Variants in ERAP1 observed in about 807,000 individuals in gnomAD.
ERAP1 encodes the protein adipocyte-derived leucine aminopeptidase.
ERAP1 carries 86 observed loss-of-function variants against 103.7 expected under a neutral mutation model. The observed-to-expected ratio is 0.83, with a 90% confidence interval of 0.70 to 0.99. The LOEUF is 0.99. ERAP1 is among the 50% of genes least tolerant of loss of function. The pLI is 0.00. For missense variants in ERAP1, 1,009 were observed against 1,128.4 expected, an observed-to-expected ratio of 0.89 and a Z score of 1.52; for synonymous variants, 398 against 402.4, an observed-to-expected ratio of 0.99 and a Z score of 0.13.
At chr5:96,866,895 A>C in the ERAP1 span, among the ~76,000 whole-genome samples, 3 of 152,334 alleles carry the variant, frequency 2.0e-5, no homozygotes, top group Non-Finnish European at 2.9e-5. Context: ...CACAGGACCA[A>C]GCAACCAGCT....
chr5:96,838,384 C>A, the ERAP1 span, among the ~76,000 whole-genome samples: 8 of 152,180 alleles, frequency 5.3e-5, no homozygotes, highest in Admixed American at 2.6e-4. Flanking sequence ...AGTCCAAAGT[C>A]TACATTGGAA....
At chr5:96,903,663 G>A in the ERAP1 span, 2 of 1,069,056 alleles carry the variant, frequency 1.9e-6, no homozygotes, top group East Asian at 5.1e-5. Flanking sequence ...GATTTAATAT[G>A]GATTTGAATG....
At chr5:96,826,700 A>G in the ERAP1 span, among the ~76,000 whole-genome samples, 1 of 152,156 alleles carries the variant, frequency 6.6e-6, no homozygotes, top group Non-Finnish European at 1.5e-5. Flanking sequence ...TAGCTGATTC[A>G]TATACTCCTA....
chr5:96,771,463 G>C, downstream of ERAP1, among the ~76,000 whole-genome samples: 1 of 152,064 alleles, frequency 6.6e-6, no homozygotes, highest in Middle Eastern at 3.2e-3. Flanking sequence ...GTTATTTTTA[G>C]CTTATAAGCT....
downstream of ERAP1, chr5:96,773,724 C>A (rs1370040052): frequency 6.6e-6 from 1 of 152,268 alleles, no homozygotes; most frequent in Non-Finnish European, 1.5e-5. Flanking sequence ...GAACATTGCA[C>A]TGATATCATC....
chr5:96,798,343 A>AT (rs1387701917), intron 3 of ERAP1, among the ~76,000 whole-genome samples: 1 of 151,192 alleles, frequency 6.6e-6, no homozygotes, highest in African/African-American at 2.4e-5. Context: ...AAAAAAAAAA[A>AT]GATTTGCTTC....
the ERAP1 span, among the ~76,000 whole-genome samples, chr5:96,831,555 C>A: frequency 6.6e-6 from 1 of 152,298 alleles, no homozygotes; most frequent in African/African-American, 2.4e-5. Flanking sequence ...ATAAGGCCAA[C>A]CTGCAGTTTG....
chr5:96,877,011 G>C, the ERAP1 span, among the ~76,000 whole-genome samples: 1 of 152,140 alleles, frequency 6.6e-6, no homozygotes, highest in Non-Finnish European at 1.5e-5. Flanking sequence ...GCCTCGCTCT[G>C]TCGCCCAGGC....
chr5:96,834,953 T>C, the ERAP1 span, among the ~76,000 whole-genome samples: 2 of 152,316 alleles, frequency 1.3e-5, no homozygotes, highest in East Asian at 3.9e-4. Flanking sequence ...TAAATTTACA[T>C]TTTAAAGAAA....
chr5:96,794,085 G>A lies in ERAP1; in HGVS notation c.920-128C>T, dbSNP rs1777042800. 3.9e-5 allele frequency: 31 copies of A among 802,174 alleles called. No homozygotes were observed. The South Asian group carries it at 4.3e-4, about 11-fold the overall frequency. 49.7% of individuals were successfully genotyped at this position (802,174 alleles called of 1,614,324 possible). On this transcript the variant is annotated intron_variant, in intron 5 of 18. Coordinates refer to ENST00000443439, the MANE Select transcript of ERAP1 (RefSeq NM_001040458.3). Reference sequence around the variant, plus strand: ...ATAATCATGGAGCTCTAGACTGGAAGAACCTTTCACAATGGAGAAAAAGAG... The same window carrying A: ...ATAATCATGGAGCTCTAGACTGGAAAAACCTTTCACAATGGAGAAAAAGAG...
chr5:96,908,323 T>G, the ERAP1 span, among the ~76,000 whole-genome samples: 3 of 152,220 alleles, frequency 2.0e-5, no homozygotes. Context: ...CTACAGAAGA[T>G]GCCCCAGCAT....
chr5:96,843,847 A>C, the ERAP1 span, among the ~76,000 whole-genome samples: 1 of 152,150 alleles, frequency 6.6e-6, no homozygotes, highest in Admixed American at 6.6e-5. Flanking sequence ...ACTGACCCTA[A>C]ATTTTTAAAC....
intron 19 of ERAP1, chr5:96,767,358 C>A: frequency 8.8e-7 from 1 of 1,133,436 alleles, no homozygotes; most frequent in Non-Finnish European, 1.3e-6. Context: ...AGTCATGGGA[C>A]AATAGATTCT....
intron 19 of ERAP1, among the ~76,000 whole-genome samples, chr5:96,768,796 G>C (rs1441086987): frequency 6.6e-6 from 1 of 152,178 alleles, no homozygotes; most frequent in Non-Finnish European, 1.5e-5. Context: ...TCAAGCATCA[G>C]CTCCTTAGGG....
At position 96,781,098 on chromosome 5, in the gene ERAP1, A is replaced by G; in HGVS notation, c.2548T>C (p.Trp850Arg). The G allele has an allele frequency of 6.2e-7, 1 of 1,613,950 alleles. No individual in the cohort carries two copies. The highest frequency in any genetic ancestry group is 2.2e-5 in the East Asian group (1 of 44,860). The part of the protein sequence containing the change: ...GRNPVGYPLA[W>R]QFLRKNWNKL... Reference sequence around the variant, plus strand: ...TTCCAGTTTTTCCTCAGAAATTGCCAGGCCAGTGGGTATCCTACTGGGTTC... The same window carrying G: ...TTCCAGTTTTTCCTCAGAAATTGCCGGGCCAGTGGGTATCCTACTGGGTTC... Residue 850 changes from tryptophan (W) to arginine (R), a missense_variant, in exon 17 of 19, where the codon TGG becomes CGG. Trp to Arg is a moderately radical substitution (Grantham distance 101). Transcript: ENST00000443439.
chr5:96,766,138 A>G, intron 19 of ERAP1: 1 of 1,590,684 alleles, frequency 6.3e-7, no homozygotes, highest in Non-Finnish European at 8.6e-7. Flanking sequence ...CTGGATGATA[A>G]TGGACAGGTA....
chr5:96,781,177 C>T lies in ERAP1; in HGVS notation c.2469G>A (p.Lys823=). Residue 823 remains lysine (K), a synonymous_variant, in exon 17 of 19, where the codon AAG becomes AAA. Coordinates refer to ENST00000443439, the MANE Select transcript of ERAP1 (RefSeq NM_001040458.3). The part of the protein sequence containing the change: ...KLQWLLDESF[K]GDKIKTQEFP... Reference sequence around the variant, plus strand: ...ACTCCTGAGTTTTTATTTTATCTCCCTTAAAGCTTTCATCTAGTAGCCTAG... The same window carrying T: ...ACTCCTGAGTTTTTATTTTATCTCCTTTAAAGCTTTCATCTAGTAGCCTAG... 1 of 1,612,430 alleles carries T rather than the reference C, an allele frequency of 6.2e-7. No homozygotes were observed. The highest frequency in any genetic ancestry group is 8.5e-7 in the Non-Finnish European group (1 of 1,179,604).
At chr5:96,797,815 T>A (rs73146400) in intron 3 of ERAP1, among the ~76,000 whole-genome samples, 2,637 of 152,356 alleles carry the variant, frequency 0.017, 74 homozygotes, top group African/African-American at 0.059. Flanking sequence ...TACAATACAC[T>A]GTAAATCCAC....
chr5:96,781,310 TA>T, intron 16 of ERAP1, 112 bp from the exon 17 acceptor site: 1 of 1,083,654 alleles, frequency 9.2e-7, no homozygotes, highest in Non-Finnish European at 1.4e-6. Flanking sequence ...TAACAAAGGT[TA>T]AAAAGATAAA....
Sources: allele counts gnomAD v4.1 joint callset (sites outside exome capture counted in the v4.1 genomes callset), GRCh38; gene constraint gnomAD v4.1.1; transcripts MANE v1.5; gene names NCBI Gene and HGNC (gene_info 2026-07-23, HGNC 2026-07-21).